Variants in VWC2 observed in about 807,000 individuals in gnomAD.
VWC2 encodes von Willebrand factor C domain containing 2, also known as brorin.
VWC2 carries 14 observed loss-of-function variants against 29.8 expected under a neutral mutation model. That is an observed-to-expected ratio of 0.47 (90% CI 0.31 to 0.74). The LOEUF is 0.74. Ranked by LOEUF, VWC2 falls within the 30% of genes least tolerant of loss-of-function variation. VWC2 has a pLI of 0.05. For synonymous variants in VWC2, 213 were observed against 199.0 expected, an observed-to-expected ratio of 1.07 and a Z score of -0.59; for missense variants, 457 against 459.8, an observed-to-expected ratio of 0.99 and a Z score of 0.05.
At chr7:49,873,919 C>T (rs75996730) in intron 3 of VWC2, among the ~76,000 whole-genome samples, 2 of 140,998 alleles carry the variant, frequency 1.4e-5, no homozygotes, top group Non-Finnish European at 3.1e-5. Context: ...AAAAAAAAAA[C>T]AACAAAAAAA....
At chr7:49,808,378 A>G (rs999385990) in intron 3 of VWC2, among the ~76,000 whole-genome samples, 4 of 152,100 alleles carry the variant, frequency 2.6e-5, no homozygotes, top group African/African-American at 9.7e-5. Context: ...CCCAAAATAC[A>G]TGAAGTAAAA....
intron 3 of VWC2, among the ~76,000 whole-genome samples, chr7:49,803,119 CTTTG>C (rs781582224): frequency 9.2e-5 from 14 of 152,184 alleles, no homozygotes; most frequent in Non-Finnish European, 8.8e-5. Context: ...TTTAATTTAA[CTTTG>C]TTTGTTCTTG....
intron 3 of VWC2, among the ~76,000 whole-genome samples, chr7:49,889,617 CACA>C: frequency 6.6e-6 from 1 of 152,276 alleles, no homozygotes; most frequent in African/African-American, 2.4e-5. Context: ...TCTGGGGACA[CACA>C]ATGGCCATCC....
intron 3 of VWC2, among the ~76,000 whole-genome samples, chr7:49,909,324 T>C (rs1483074): frequency 0.73 from 111,503 of 152,040 alleles, 41,107 homozygotes; most frequent in East Asian, 0.89. Context: ...AAAAAGATGA[T>C]ACAGAAAAGA....
chr7:49,883,739 A>G (rs1008773777), intron 3 of VWC2, among the ~76,000 whole-genome samples: 2 of 152,218 alleles, frequency 1.3e-5, no homozygotes, highest in African/African-American at 4.8e-5. Context: ...AATGAACACA[A>G]ATTTTGGCTT....
intron 3 of VWC2, among the ~76,000 whole-genome samples, chr7:49,904,113 T>G (rs1478904237): frequency 2.0e-5 from 3 of 152,230 alleles, no homozygotes; most frequent in African/African-American, 4.8e-5. Flanking sequence ...GCCACCATCT[T>G]GAACATGTCT....
intron 2 of VWC2, among the ~76,000 whole-genome samples, chr7:49,787,340 C>A (rs1219306270): frequency 2.6e-5 from 4 of 152,166 alleles, no homozygotes; most frequent in Admixed American, 2.6e-4. Context: ...CTTCCAAATT[C>A]TGTATGCTTT....
chr7:49,802,535 G>A (rs918785099), intron 2 of VWC2, among the ~76,000 whole-genome samples, 176 bp from the exon 3 acceptor site: 1 of 152,170 alleles, frequency 6.6e-6, no homozygotes, highest in African/African-American at 2.4e-5. Flanking sequence ...CTACTCAGGA[G>A]GCTGAGGCAG....
chr7:49,885,100 A>C (rs1353168154), intron 3 of VWC2, among the ~76,000 whole-genome samples: 1 of 152,122 alleles, frequency 6.6e-6, no homozygotes, highest in East Asian at 1.9e-4. Flanking sequence ...AATTATATGG[A>C]TTATAATCTG....
At chr7:49,783,592 A>T (rs948882716) in intron 2 of VWC2, among the ~76,000 whole-genome samples, 4 of 152,178 alleles carry the variant, frequency 2.6e-5, no homozygotes, top group Non-Finnish European at 5.9e-5. Flanking sequence ...AGATCCTGCC[A>T]GCTGGATCAT....
chr7:49,788,826 A>T (rs557735432), intron 2 of VWC2, among the ~76,000 whole-genome samples: 1 of 100,550 alleles, frequency 9.9e-6, no homozygotes, highest in Non-Finnish European at 2.1e-5. Flanking sequence ...GAGAGTGGAT[A>T]TGTGGGTATG....
chr7:49,858,610 C>T (rs62456373), intron 3 of VWC2, among the ~76,000 whole-genome samples: 28,302 of 150,360 alleles, frequency 0.19, 3,665 homozygotes, highest in East Asian at 0.63. Flanking sequence ...TGTTAAATGA[C>T]GAGTTAATGG....
At chr7:49,911,613 T>C (rs1047368486) in intron 3 of VWC2, among the ~76,000 whole-genome samples, 3 of 152,018 alleles carry the variant, frequency 2.0e-5, no homozygotes, top group African/African-American at 4.8e-5. Flanking sequence ...ATATGTACCA[T>C]TGGCCGGGTG....
At chr7:49,878,426 T>C (rs1165379969) in intron 3 of VWC2, among the ~76,000 whole-genome samples, 2 of 152,142 alleles carry the variant, frequency 1.3e-5, no homozygotes, top group Non-Finnish European at 2.9e-5. Context: ...TCAGTACTTG[T>C]TTATTTGAAA....
At chr7:49,830,323 T>TG (rs1789496217) in intron 3 of VWC2, among the ~76,000 whole-genome samples, 1 of 152,272 alleles carries the variant, frequency 6.6e-6, no homozygotes, top group East Asian at 1.9e-4. Flanking sequence ...TGCTCTTCAC[T>TG]GGGGGGTGAT....
chr7:49,885,453 C>G (rs1401595254), intron 3 of VWC2, among the ~76,000 whole-genome samples: 1 of 151,496 alleles, frequency 6.6e-6, no homozygotes, highest in African/African-American at 2.4e-5. Flanking sequence ...CTTATTGATA[C>G]AGATGTAAGA....
chr7:49,820,799 C>G (rs1208707705), intron 3 of VWC2, among the ~76,000 whole-genome samples: 1 of 152,200 alleles, frequency 6.6e-6, no homozygotes, highest in Non-Finnish European at 1.5e-5. Flanking sequence ...TGAAACTTAT[C>G]AAAAAGATGA....
intron 3 of VWC2, among the ~76,000 whole-genome samples, chr7:49,817,120 G>C (rs911457681): frequency 6.6e-6 from 1 of 152,214 alleles, no homozygotes; most frequent in Non-Finnish European, 1.5e-5. Context: ...CTGCAGAAGA[G>C]GTTAAATTTC....
chr7:49,802,892 A>T lies in VWC2; in HGVS notation c.826+52A>T, dbSNP rs759218204. 3.7e-6 allele frequency: 6 copies of T among 1,610,742 alleles called. No individual in the cohort carries two copies. The South Asian group carries it at 6.6e-5, about 18-fold the overall frequency. ...GGTGCACCTCCCACCCTGATGCACA[A>T]CCCATGTGCTGCTTCATGGTAGACG... On this transcript the variant is annotated intron_variant, in intron 3 of 3. Coordinates refer to ENST00000340652, the MANE Select transcript of VWC2 (RefSeq NM_198570.5).
Sources: gnomAD v4.1 joint callset for allele counts (sites outside exome capture counted in the v4.1 genomes callset) on GRCh38, gnomAD v4.1.1 for gene constraint, MANE v1.5 for transcripts, NCBI Gene and HGNC (gene_info 2026-07-23, HGNC 2026-07-21) for gene names.